RAB3B: variants seen among roughly 807,000 people sequenced by gnomAD.
The protein encoded by RAB3B is RAB3B, member RAS oncogene family.
Under a neutral mutation model 20.5 loss-of-function variants are expected in RAB3B, and 11 were observed. The ratio of observed to expected loss-of-function variants is 0.54; its 90% CI spans 0.34 to 0.89. The LOEUF (loss-of-function observed/expected upper bound fraction) is 0.89, where lower values mean the gene tolerates loss of function less well. RAB3B is among the 40% of genes least tolerant of loss of function. The pLI, the probability that RAB3B is intolerant of heterozygous loss-of-function variation, is 0.02. For missense variants in RAB3B, 225 were observed against 280.9 expected, an observed-to-expected ratio of 0.80 and a Z score of 1.42; for synonymous variants, 99 against 106.3, an observed-to-expected ratio of 0.93 and a Z score of 0.42.
intron 2 of RAB3B, among the ~76,000 whole-genome samples, chr1:51,945,296 C>A (rs1684549503): frequency 6.6e-6 from 1 of 152,186 alleles, no homozygotes; most frequent in East Asian, 1.9e-4. Flanking sequence ...CTCAGCCTCC[C>A]AAAGTGCTAG....
chr1:51,935,475 G>T (rs1307962449), intron 3 of RAB3B, among the ~76,000 whole-genome samples: 1 of 152,146 alleles, frequency 6.6e-6, no homozygotes, highest in African/African-American at 2.4e-5. Flanking sequence ...ACTCAAGGCA[G>T]GTAACTGGGG....
chr1:51,933,014 A>G (rs1684347173), intron 4 of RAB3B, among the ~76,000 whole-genome samples: 1 of 152,062 alleles, frequency 6.6e-6, no homozygotes, highest in East Asian at 1.9e-4. Flanking sequence ...TTTTTATAAG[A>G]TATCTCAAGT....
chr1:51,924,479 CA>C (rs765634967), intron 4 of RAB3B, among the ~76,000 whole-genome samples: 17 of 152,058 alleles, frequency 1.1e-4, no homozygotes, highest in Non-Finnish European at 1.9e-4. Flanking sequence ...GCACAACAGG[CA>C]GGGGAGACAG....
rs991438175 is a variant in RAB3B, at chr1:51,912,131, T to C, written c.*7796A>G. 8.7e-5 allele frequency: 13 copies of C among 149,644 alleles called. No individual in the cohort carries two copies. Among genetic ancestry groups the C allele is most frequent in the African/African-American group, 3.2e-4 (13 of 40,538 alleles). The allele number at this position is 149,644 out of a possible 1,614,324, so 9.3% of individuals were successfully genotyped here. ...TTCTTTCTTTCTTTCTTTTTTTTTT[T>C]TTTTTGAGAGGGGGACAGGGTCTTG... On this transcript the variant is annotated 3_prime_UTR_variant, in exon 5 of 5. Coordinates refer to ENST00000371655, the MANE Select transcript of RAB3B (RefSeq NM_002867.4).
At chr1:51,959,965 G>C (rs1023258929) in intron 2 of RAB3B, among the ~76,000 whole-genome samples, 5 of 152,194 alleles carry the variant, frequency 3.3e-5, no homozygotes, top group African/African-American at 1.2e-4. Flanking sequence ...TGCATGGACT[G>C]CCTGAAGGGT....
At chr1:51,941,596 C>G (rs1272758933) in intron 2 of RAB3B, among the ~76,000 whole-genome samples, 2 of 152,148 alleles carry the variant, frequency 1.3e-5, no homozygotes, top group Admixed American at 1.3e-4. Flanking sequence ...ACAAAGATAG[C>G]AGTTGTTTCT....
intron 2 of RAB3B, among the ~76,000 whole-genome samples, chr1:51,958,313 C>T (rs1057395083): frequency 6.6e-6 from 1 of 152,166 alleles, no homozygotes; most frequent in Admixed American, 6.5e-5. Flanking sequence ...TCAGTTTCCT[C>T]AAGTGTATAA....
intron 3 of RAB3B, 136 bp from the exon 4 acceptor site, chr1:51,933,578 T>C (rs1557964862): frequency 1.1e-5 from 8 of 760,364 alleles, no homozygotes; most frequent in Non-Finnish European, 1.5e-5. Context: ...GGGATGTAAT[T>C]ATGTCAATGA....
intron 1 of RAB3B, among the ~76,000 whole-genome samples, chr1:51,979,220 A>C (rs1184468203): frequency 6.6e-6 from 1 of 151,420 alleles, no homozygotes; most frequent in South Asian, 2.1e-4. Flanking sequence ...TTTTCATGGT[A>C]CTAGGTGCAA....
rs1394481598 is a variant in RAB3B at position 51,910,871 on chromosome 1, C to T, written c.*9056G>A. 2.0e-5 allele frequency: 3 copies of T among 152,224 alleles called. No homozygotes were observed. Among genetic ancestry groups the T allele is most frequent in the Admixed American group, 1.3e-4 (2 of 15,274 alleles). The allele number at this position is 152,224 out of a possible 1,614,324, so 9.4% of individuals were successfully genotyped here. ...GAATCCTAATCCTACTGCTCAGGGACTTGCTGATTTACTTTGCTGTCTATT... is the reference window on the plus strand; with the variant it reads ...GAATCCTAATCCTACTGCTCAGGGATTTGCTGATTTACTTTGCTGTCTATT... On this transcript the variant is annotated 3_prime_UTR_variant, in exon 5 of 5. Coordinates refer to ENST00000371655, the MANE Select transcript of RAB3B (RefSeq NM_002867.4).
At chr1:51,977,148 C>T (rs778552280) in intron 1 of RAB3B, 31 bp from the exon 2 acceptor site, 1 of 1,574,548 alleles carries the variant, frequency 6.4e-7, no homozygotes, top group African/African-American at 1.3e-5. Context: ...CACTCAGGAA[C>T]AGACCTTCGG....
chr1:51,943,793 G>A (rs1684526602), intron 2 of RAB3B, among the ~76,000 whole-genome samples: 1 of 152,206 alleles, frequency 6.6e-6, no homozygotes, highest in Non-Finnish European at 1.5e-5. Context: ...GCTGAGAGAG[G>A]TGAAGGAACT....
intron 2 of RAB3B, among the ~76,000 whole-genome samples, chr1:51,939,955 A>G (rs1571963514): frequency 6.6e-6 from 1 of 152,264 alleles, no homozygotes; most frequent in East Asian, 1.9e-4. Flanking sequence ...ATTCACAAGC[A>G]TCTACTGAAC....
intron 4 of RAB3B, among the ~76,000 whole-genome samples, chr1:51,927,163 C>T (rs1373196407): frequency 1.3e-5 from 2 of 152,188 alleles, no homozygotes; most frequent in African/African-American, 4.8e-5. Context: ...AAAACACACA[C>T]ACACACACAG....
chr1:51,936,672 T>C (rs1424040139), intron 3 of RAB3B, among the ~76,000 whole-genome samples: 1 of 152,176 alleles, frequency 6.6e-6, no homozygotes, highest in African/African-American at 2.4e-5. Flanking sequence ...CCTGTTCATC[T>C]TACAAAATGC....
At chr1:51,958,691 C>A (rs1407860969) in intron 2 of RAB3B, among the ~76,000 whole-genome samples, 2 of 151,488 alleles carry the variant, frequency 1.3e-5, no homozygotes, top group East Asian at 2.0e-4. Context: ...CCATTGCACT[C>A]CAGCCTGGGC....
At chr1:51,959,550 G>C (rs1007576301) in intron 2 of RAB3B, among the ~76,000 whole-genome samples, 10 of 152,156 alleles carry the variant, frequency 6.6e-5, no homozygotes, top group Non-Finnish European at 1.3e-4. Flanking sequence ...TGTGGGTAGA[G>C]GGGGAATCTC....
intron 2 of RAB3B, among the ~76,000 whole-genome samples, chr1:51,951,712 C>T (rs777945962): frequency 1.3e-5 from 2 of 152,036 alleles, no homozygotes; most frequent in Admixed American, 1.3e-4. Flanking sequence ...TACTCAGGAG[C>T]CTGAGATGGA....
Position 51,908,271 on chromosome 1 carries a change from G to T in RAB3B, c.*11656C>A, listed in dbSNP as rs1683947290. The T allele has an allele frequency of 6.6e-6, 1 of 152,056 alleles. No individual in the cohort carries two copies. The highest frequency in any genetic ancestry group is 2.4e-5 in the African/African-American group (1 of 41,418). 9.4% of individuals were successfully genotyped at this position (152,056 alleles called of 1,614,324 possible). ...GAATCTGATGAGGAGAGACGTGAGAGCTATTGTTCCTCTCTCTGCTCAGGC... is the reference window on the plus strand; with the variant it reads ...GAATCTGATGAGGAGAGACGTGAGATCTATTGTTCCTCTCTCTGCTCAGGC... On this transcript the variant is annotated 3_prime_UTR_variant, in exon 5 of 5. Coordinates refer to ENST00000371655, the MANE Select transcript of RAB3B (RefSeq NM_002867.4).
Sources: allele counts gnomAD v4.1 joint callset (sites outside exome capture counted in the v4.1 genomes callset), GRCh38; gene constraint gnomAD v4.1.1; transcripts MANE v1.5; gene names NCBI Gene and HGNC (gene_info 2026-07-23, HGNC 2026-07-21).